DYTN: variants seen among roughly 807,000 people sequenced by gnomAD.
The protein encoded by DYTN is dystrotelin.
DYTN carries 75 observed loss-of-function variants against 69.6 expected under a neutral mutation model. That is an observed-to-expected ratio of 1.08 (90% CI 0.89 to 1.31). The LOEUF (loss-of-function observed/expected upper bound fraction) is 1.31, where lower values mean the gene tolerates loss of function less well. Among genes scored for constraint, DYTN ranks in the 50% most tolerant of loss-of-function variants. The pLI is 0.00. For missense variants in DYTN, 726 were observed against 688.4 expected (o/e 1.05, Z -0.61); for synonymous variants, 252 against 249.1 (o/e 1.01, Z -0.11).
chr2:206,709,407 C>G (rs953607704), intron 2 of DYTN, among the ~76,000 whole-genome samples: 3 of 152,050 alleles, frequency 2.0e-5, no homozygotes, highest in African/African-American at 7.2e-5. Context: ...TGAGATCCCT[C>G]CACTGCACTC....
intron 9 of DYTN, among the ~76,000 whole-genome samples, chr2:206,680,768 C>A (rs1003450903): frequency 6.6e-6 from 1 of 152,138 alleles, no homozygotes; most frequent in Admixed American, 6.6e-5. Context: ...TATCCCACCC[C>A]CTCTTTGCTG....
intron 11 of DYTN, among the ~76,000 whole-genome samples, chr2:206,660,879 C>T (rs1348782109): frequency 6.6e-6 from 1 of 152,110 alleles, no homozygotes; most frequent in East Asian, 1.9e-4. Context: ...GTTTATAGCC[C>T]TCCAACACTT....
intron 11 of DYTN, 136 bp downstream of exon 11, chr2:206,662,767 A>T: frequency 7.6e-7 from 1 of 1,324,482 alleles, no homozygotes; most frequent in Non-Finnish European, 1.0e-6. Context: ...CAGAGATGCT[A>T]CTGATAACCA....
intron 9 of DYTN, among the ~76,000 whole-genome samples, chr2:206,685,813 C>T (rs917569485): frequency 2.6e-5 from 4 of 152,008 alleles, no homozygotes; most frequent in African/African-American, 4.8e-5. Context: ...AATATATTCC[C>T]GGAATATGGC....
Position 206,683,318 on chromosome 2 carries a change from C to T in DYTN, c.980+9857G>A, listed in dbSNP as rs904432296. Among the ~76,000 whole-genome samples the T allele has an allele frequency of 1.2e-4, 18 of 150,680 alleles. No homozygotes were observed. In the South Asian group the frequency reaches 3.2e-3, roughly 27 times the overall value. On this transcript the variant is annotated intron_variant, in intron 9 of 11. Coordinates refer to ENST00000452335, the MANE Select transcript of DYTN (RefSeq NM_001093730.1). ...GGCCTTCCATCTGCCCCCACTTCCTCACCTCTTCTTTTTACTTTTTCTTTT... is the reference window on the plus strand; with the variant it reads ...GGCCTTCCATCTGCCCCCACTTCCTTACCTCTTCTTTTTACTTTTTCTTTT...
chr2:206,678,740 C>A (rs1699718205), intron 9 of DYTN, among the ~76,000 whole-genome samples: 1 of 152,030 alleles, frequency 6.6e-6, no homozygotes, highest in South Asian at 2.1e-4. Context: ...AGGAAGTATA[C>A]CAAAATATTG....
chr2:206,681,453 G>A (rs939173133), intron 9 of DYTN, among the ~76,000 whole-genome samples: 17 of 152,158 alleles, frequency 1.1e-4, no homozygotes, highest in Non-Finnish European at 2.4e-4. Context: ...TCTTGTGCCA[G>A]TTTTCAAAGG....
chr2:206,709,050 A>G (rs1203975180), intron 2 of DYTN, among the ~76,000 whole-genome samples: 1 of 152,184 alleles, frequency 6.6e-6, no homozygotes, highest in Non-Finnish European at 1.5e-5. Flanking sequence ...TGTTCCTGGA[A>G]TAATAAATAA....
intron 1 of DYTN, among the ~76,000 whole-genome samples, chr2:206,716,003 G>A (rs1353426058): frequency 5.9e-5 from 9 of 152,122 alleles, no homozygotes; most frequent in Admixed American, 2.0e-4. Context: ...CAGAAGAATC[G>A]CTTGAACCAG....
chr2:206,698,356 C>A (rs546475367), intron 7 of DYTN, among the ~76,000 whole-genome samples: 1 of 152,278 alleles, frequency 6.6e-6, no homozygotes, highest in South Asian at 2.1e-4. Context: ...GTGTACCAAG[C>A]AGACCTATTT....
intron 10 of DYTN, among the ~76,000 whole-genome samples, chr2:206,664,850 AT>A (rs1336113781): frequency 5.3e-5 from 8 of 152,228 alleles, no homozygotes; most frequent in African/African-American, 1.9e-4. Flanking sequence ...GCATTAGGAC[AT>A]TCAGTATAGC....
At chr2:206,700,058 A>T (rs1699960474) in intron 6 of DYTN, 87 bp downstream of exon 6, 2 of 1,576,474 alleles carry the variant, frequency 1.3e-6, no homozygotes, top group Non-Finnish European at 1.7e-6. Flanking sequence ...GTGGAGTAAT[A>T]ATAGGTCTGT....
At chr2:206,667,697 C>CGTGT (rs71410894) in intron 9 of DYTN, among the ~76,000 whole-genome samples, 3,001 of 144,054 alleles carry the variant, frequency 0.021, 35 homozygotes, top group South Asian at 0.026. Flanking sequence ...TTTGCGTGTG[C>CGTGT]GTGTGTGTGT....
intron 2 of DYTN, among the ~76,000 whole-genome samples, chr2:206,709,007 G>A (rs575507230): frequency 6.6e-6 from 1 of 152,256 alleles, no homozygotes; most frequent in African/African-American, 2.4e-5. Context: ...CCAGGAAAAT[G>A]CATAATTGGG....
intron 7 of DYTN, among the ~76,000 whole-genome samples, chr2:206,697,720 G>C (rs1473418791): frequency 6.6e-6 from 1 of 152,200 alleles, no homozygotes; most frequent in East Asian, 1.9e-4. Context: ...AGGTCTCCTA[G>C]CTCTTTGTAT....
chr2:206,699,842 A>T lies in DYTN; in HGVS notation c.604T>A (p.Ser202Thr), dbSNP rs1699957886. The stretch of plus-strand genomic sequence containing the variant: ...AGCCACAGGAGGATGGGAGGCTCAG[A>T]TTGGACCCAAGACAGGAATTTTTCT... The part of the protein sequence containing the change: ...KEEKFLSWVQ[S>T]EPPILLWLPT... Residue 202 changes from serine to threonine, a missense_variant, in exon 7 of 12, where the codon TCT becomes ACT. Transcript: ENST00000452335. 5 of 1,613,828 alleles carry T rather than the reference A, an allele frequency of 3.1e-6. No homozygotes were observed. The highest frequency in any genetic ancestry group is 3.3e-4 in the Middle Eastern group (2 of 6,056).
chr2:206,663,037 C>T lies in DYTN; in HGVS notation c.1499G>A (p.Ser500Asn). 1.2e-6 allele frequency: 2 copies of T among 1,613,880 alleles called. No homozygotes were observed. Among genetic ancestry groups the T allele is most frequent in the Non-Finnish European group, 1.7e-6 (2 of 1,179,866 alleles). Residue 500 changes from serine to asparagine, a missense_variant, in exon 11 of 12, where the codon AGC (serine) becomes AAC (asparagine). Transcript: ENST00000452335. ...TTCCACGGCTGCCAGAGCAGGACTG[C>T]TCATTTCAGCAGGAACCATTTTGGG... is the stretch of plus-strand genomic sequence containing the variant. ...DIPKMVPAEM[S>N]SPALAAVEKK...
chr2:206,672,614 T>A (rs930128374), intron 9 of DYTN, among the ~76,000 whole-genome samples: 2 of 152,190 alleles, frequency 1.3e-5, no homozygotes, highest in Non-Finnish European at 2.9e-5. Flanking sequence ...TGGCCACTTG[T>A]CACTGGATGG....
intron 9 of DYTN, among the ~76,000 whole-genome samples, chr2:206,677,466 A>G (rs1699703331): frequency 6.6e-6 from 1 of 152,194 alleles, no homozygotes; most frequent in South Asian, 2.1e-4. Flanking sequence ...TACAGGAACC[A>G]TGATAAAAAT....
Sources: allele counts gnomAD v4.1 joint callset (sites outside exome capture counted in the v4.1 genomes callset), GRCh38; gene constraint gnomAD v4.1.1; transcripts MANE v1.5; gene names NCBI Gene and HGNC (gene_info 2026-07-23, HGNC 2026-07-21).